The following GNS variants were observed in gnomAD, a reference collection of about 807,000 sequenced individuals.
GNS encodes the protein N-acetylglucosamine-6-sulfatase.
In GNS, 40 loss-of-function variants were observed where a neutral mutation model predicts 69.7. The ratio of observed to expected loss-of-function variants is 0.57; its 90% confidence interval spans 0.45 to 0.75. GNS has a LOEUF of 0.75. Ranked by LOEUF, GNS falls within the 30% of genes least tolerant of loss-of-function variation. The probability of loss-of-function intolerance (pLI) is 0.00; values close to 1 mark genes in which losing one functional copy is unlikely to be tolerated. For missense variants in GNS, 565 were observed against 685.5 expected, an observed-to-expected ratio of 0.82 and a Z score of 1.96; for synonymous variants, 243 against 251.6, an observed-to-expected ratio of 0.97 and a Z score of 0.32.
At chr12:64,756,298 T>C (rs1870248405) in intron 1 of GNS, among the ~76,000 whole-genome samples, 1 of 152,224 alleles carries the variant, frequency 6.6e-6, no homozygotes. Context: ...ATCTGTAATC[T>C]TTTTTAGGTT....
rs1399422559 is a variant in GNS, at chr12:64,745,706, C to T, written c.478G>A (p.Gly160Ser). The T allele has an allele frequency of 1.9e-6, 3 of 1,607,344 alleles. No individual in the cohort carries two copies. Among genetic ancestry groups the T allele is most frequent in the Admixed American group, 3.3e-5 (2 of 60,002 alleles). ...YLNEYGAPDA[G>S]GLEHVPLGWS... ...CCCAGAGGAACGTGTTCTAGTCCAC[C>T]TGCATCTGGGGCTCCGTACTGAAAA... The change falls in exon 4 of 14, where the codon GGT (glycine) becomes AGT (serine). Residue 160 changes from glycine to serine, a missense_variant. Physicochemically the swap from Gly to Ser is moderately conservative, Grantham distance 56. Around this residue, in one of 2 missense-constraint regions of GNS, gnomAD observed 384 missense variants for 511.0 expected, o/e 0.75. Transcript: ENST00000258145.
At chr12:64,716,889 A>T (rs547985831) in intron 13 of GNS, 70 bp from the exon 14 acceptor site, 6 of 972,586 alleles carry the variant, frequency 6.2e-6, no homozygotes, top group Non-Finnish European at 1.0e-5. Flanking sequence ...TTCAGTGGAA[A>T]GGATAGCAGG....
In GNS at chr12:64,716,785, G is replaced by A. The variant is rs1868871715; in HGVS notation, c.1615C>T (p.Arg539Cys). Residue 539 changes from arginine to cysteine, a missense_variant, in exon 14 of 14, where the codon CGC becomes TGC. By Grantham distance (180) the Arg-to-Cys change is radical. Transcript: ENST00000258145. ...RFDPRLMFSN[R>C]GSVRTRRFSK... ...AATCTTCGAGTCCTGACACTGCCGC[G>A]ATTGCTGAACATGAGACGGGGGTCA... 2 of 1,613,386 alleles carry A rather than the reference G, an allele frequency of 1.2e-6. No homozygotes were observed. Among genetic ancestry groups the A allele is most frequent in the South Asian group, 1.1e-5 (1 of 91,056 alleles).
intron 3 of GNS, chr12:64,746,206 A>G (rs1007853321): frequency 2.0e-5 from 4 of 199,810 alleles, no homozygotes; most frequent in Non-Finnish European, 3.1e-5. Flanking sequence ...CCCACTACAG[A>G]AAAAGTCCAC....
At position 64,720,184 on chromosome 12, in the gene GNS, T is replaced by C. The variant is rs2136236649; in HGVS notation, c.1420-2A>G. 6.3e-7 allele frequency: 1 copy of C among 1,581,220 alleles called. No homozygotes were observed. Among genetic ancestry groups the C allele is most frequent in the Non-Finnish European group, 8.7e-7 (1 of 1,150,862 alleles). On this transcript the variant is annotated splice_acceptor_variant, in intron 12 of 13. Coordinates refer to ENST00000258145, the MANE Select transcript of GNS (RefSeq NM_002076.4). LOFTEE classifies it high-confidence loss of function. ...CAGATTATAGACTTCTACAAACACC[T>C]AGAGGACATGAAAGAATGGAGGAAA...
At chr12:64,733,431 G>A (rs1869468366) in intron 9 of GNS, among the ~76,000 whole-genome samples, 2 of 152,088 alleles carry the variant, frequency 1.3e-5, no homozygotes, top group Admixed American at 6.5e-5. Context: ...GATGGCAACG[G>A]GCTCTCAGAA....
At position 64,713,905 on chromosome 12, in the gene GNS, G is replaced by T. The variant is rs1345141185; in HGVS notation, c.*2836C>A. 1 of 152,248 alleles carries T rather than the reference G, an allele frequency of 6.6e-6. No homozygotes were observed. Among genetic ancestry groups the T allele is most frequent in the East Asian group, 1.9e-4 (1 of 5,190 alleles). 9.4% of individuals were successfully genotyped at this position (152,248 alleles called of 1,614,324 possible). ...CCAGCACTTTGGGAGGCCGAGAAAG[G>T]TGGATCACCTGAGGTCAGGAGTTAA... On this transcript the variant is annotated 3_prime_UTR_variant, in exon 14 of 14. Coordinates refer to ENST00000258145, the MANE Select transcript of GNS (RefSeq NM_002076.4).
chr12:64,758,889 T>G (rs1236507961), intron 1 of GNS, among the ~76,000 whole-genome samples, 196 bp downstream of exon 1: 1 of 152,218 alleles, frequency 6.6e-6, no homozygotes, highest in African/African-American at 2.4e-5. Context: ...GCTGTACGCA[T>G]GTGCCTCAAT....
intron 3 of GNS, 177 bp from the exon 4 acceptor site, chr12:64,745,901 G>C: frequency 1.6e-6 from 1 of 608,696 alleles, no homozygotes; most frequent in Non-Finnish European, 3.0e-6. Flanking sequence ...TTCTAAAGCA[G>C]GAGTTGGCAA....
chr12:64,740,725 C>A, intron 6 of GNS, 37 bp from the exon 7 acceptor site: 1 of 959,788 alleles, frequency 1.0e-6, no homozygotes, highest in South Asian at 1.3e-5. Context: ...AACACCAAGT[C>A]ACCACAGTCA....
chr12:64,727,330 G>C (rs1412942382), intron 10 of GNS, among the ~76,000 whole-genome samples: 1 of 141,416 alleles, frequency 7.1e-6, no homozygotes, highest in Non-Finnish European at 1.5e-5. Flanking sequence ...TAGCTACTGG[G>C]GAGGCTGAGG....
intron 6 of GNS, among the ~76,000 whole-genome samples, chr12:64,742,240 T>C (rs1331318499): frequency 6.6e-6 from 1 of 152,168 alleles, no homozygotes; most frequent in Non-Finnish European, 1.5e-5. Context: ...CAGGATGGTC[T>C]CAATCTCCTG....
At position 64,759,398 on chromosome 12, in the gene GNS, GAGTC is replaced by G; in HGVS notation, c.-126_-123del. 1.5e-6 allele frequency: 1 copy of G among 668,818 alleles called. No individual in the cohort carries two copies. The highest frequency in any genetic ancestry group is 2.5e-6 in the Non-Finnish European group (1 of 401,354). The allele number at this position is 668,818 out of a possible 1,614,324, so 41.4% of individuals were successfully genotyped here. On this transcript the variant is annotated 5_prime_UTR_variant, in exon 1 of 14. Coordinates refer to ENST00000258145, the MANE Select transcript of GNS (RefSeq NM_002076.4). ...GCCGTGCCTTGAAGGCCGGTGGCTG[GAGTC>G]AGACGTTTTCTCCCTAGGCGCGATC...
At chr12:64,717,584 A>G (rs1383798250) in intron 13 of GNS, among the ~76,000 whole-genome samples, 1 of 147,940 alleles carries the variant, frequency 6.8e-6, no homozygotes, top group Non-Finnish European at 1.5e-5. Context: ...GCTGGTCTAG[A>G]ACTCCTGGGC....
At chr12:64,751,496 C>G (rs912063181) in intron 2 of GNS, among the ~76,000 whole-genome samples, 1 of 152,116 alleles carries the variant, frequency 6.6e-6, no homozygotes, top group African/African-American at 2.4e-5. Context: ...TGCCCTGAGT[C>G]TTTTACCTTA....
At position 64,739,366 on chromosome 12, in the gene GNS, A is replaced by G; in HGVS notation, c.994+15T>C. 1.7e-6 allele frequency: 2 copies of G among 1,159,112 alleles called. No individual in the cohort carries two copies. Among genetic ancestry groups the G allele is most frequent in the Non-Finnish European group, 2.6e-6 (2 of 763,718 alleles). 71.8% of individuals were successfully genotyped at this position (1,159,112 alleles called of 1,614,324 possible). A position where few individuals can be genotyped will look rare whatever the true frequency, so the allele number is the denominator to read the frequency against. On this transcript the variant is annotated intron_variant, in intron 8 of 13. Coordinates refer to ENST00000258145, the MANE Select transcript of GNS (RefSeq NM_002076.4). ...ATTCTCAAAGATCACAGCAGTACCT[A>G]CTCCTGCCTCTGACCTGTGTGATAG... is the stretch of plus-strand genomic sequence containing the variant.
intron 9 of GNS, among the ~76,000 whole-genome samples, chr12:64,736,458 G>C (rs1188473899): frequency 6.6e-6 from 1 of 152,230 alleles, no homozygotes; most frequent in Non-Finnish European, 1.5e-5. Flanking sequence ...GAGCTGATCA[G>C]AAATGGAGAA....
rs1047983882 is a variant in GNS at position 64,716,049 on chromosome 12, T to TA, written c.*691dup. 1 of 154,512 alleles carries TA rather than the reference T, an allele frequency of 6.5e-6. No individual in the cohort carries two copies. Among genetic ancestry groups the TA allele is most frequent in the Non-Finnish European group, 1.4e-5 (1 of 69,442 alleles). 9.6% of individuals were successfully genotyped at this position (154,512 alleles called of 1,614,324 possible). On this transcript the variant is annotated 3_prime_UTR_variant, in exon 14 of 14. Transcript: ENST00000258145. ...GTAGATGGCTATCACCTTCAAGAGC[T>TA]ACCTGGAATTGGCCTTTATCACAAG...
chr12:64,743,101 A>G (rs1404354125), intron 6 of GNS, 40 bp downstream of exon 6: 10 of 1,471,406 alleles, frequency 6.8e-6, no homozygotes, highest in Non-Finnish European at 9.5e-6. Context: ...ATAGTTAATG[A>G]TACTTAGTAT....
Sources: gnomAD v4.1 joint callset for allele counts (sites outside exome capture counted in the v4.1 genomes callset) on GRCh38, gnomAD v4.1.1 for gene constraint, gnomAD v4.1.1 regional missense constraint, MANE v1.5 for transcripts, NCBI Gene and HGNC (gene_info 2026-07-23, HGNC 2026-07-21) for gene names.